USH1C: variants seen among roughly 807,000 people sequenced by gnomAD.
USH1C encodes the protein USH1 protein network component harmonin.
Under a neutral mutation model 119.3 loss-of-function variants are expected in USH1C, and 90 were observed. That is an observed-to-expected ratio of 0.75 (90% CI 0.64 to 0.90). The LOEUF (loss-of-function observed/expected upper bound fraction) is 0.90. Among genes scored for constraint, USH1C ranks in the 40% least tolerant of loss-of-function variants. The pLI is 0.00. For missense variants in USH1C, 1,165 were observed against 1,167.7 expected (o/e 1.00, Z 0.03); for synonymous variants, 465 against 443.3 (o/e 1.05, Z -0.62).
At position 17,523,460 on chromosome 11, in the gene USH1C, C is replaced by T. The variant is rs369461618; in HGVS notation, c.778G>A (p.Glu260Lys). The T allele has an allele frequency of 4.5e-5, 72 of 1,614,098 alleles. No homozygotes were observed. Among genetic ancestry groups the T allele is most frequent in the Middle Eastern group, 1.6e-4 (1 of 6,084 alleles). Residue 260 changes from glutamate (E) to lysine (K), a missense_variant, in exon 10 of 27, where the codon GAA becomes AAA. By Grantham distance (56) the Glu-to-Lys change is moderately conservative (BLOSUM62 1). Transcript: ENST00000005226. Reference sequence around the variant, plus strand: ...TTAGAGAAGTCGACGCCATTGACTTCGACAATCTGGTCCCCTATCTGGTGG... The same window carrying T: ...TTAGAGAAGTCGACGCCATTGACTTTGACAATCTGGTCCCCTATCTGGTGG... Reference protein sequence around the residue: ...VGLEIGDQIVEVNGVDFSNLD... With the variant: ...VGLEIGDQIVKVNGVDFSNLD...
At chr11:17,505,777 T>C (rs1849624555) in intron 19 of USH1C, 53 bp downstream of exon 19, 9 of 1,612,150 alleles carry the variant, frequency 5.6e-6, no homozygotes, top group South Asian at 3.3e-5. Context: ...CCAGGGGAGG[T>C]AGCCCTGGTC....
chr11:17,528,381 A>G (rs1252583672), intron 4 of USH1C, among the ~76,000 whole-genome samples: 16 of 152,190 alleles, frequency 1.1e-4, no homozygotes, highest in African/African-American at 3.9e-4. Flanking sequence ...CTCCTCATTT[A>G]ATAACCACAG....
chr11:17,496,834 A>T, intron 24 of USH1C, 21 bp from the exon 25 acceptor site: 1 of 1,613,806 alleles, frequency 6.2e-7, no homozygotes, highest in South Asian at 1.1e-5. Flanking sequence ...AAGCCGTGTG[A>T]CTCTGGGGCA....
At chr11:17,524,610 A>G in intron 8 of USH1C, 75 bp from the exon 9 acceptor site, 2 of 1,509,182 alleles carry the variant, frequency 1.3e-6, no homozygotes, top group Non-Finnish European at 1.8e-6. Flanking sequence ...GTCACTCATG[A>G]GCTGAGGACT....
At chr11:17,523,007 A>G in intron 11 of USH1C, 81 bp from the exon 12 acceptor site, 1 of 1,597,112 alleles carries the variant, frequency 6.3e-7, no homozygotes, top group South Asian at 1.1e-5. Flanking sequence ...GCCGAGATGC[A>G]GGTGGTCTTC....
In USH1C at chr11:17,512,023, C is replaced by A. The variant is rs751388655; in HGVS notation, c.1292G>T (p.Gly431Val). 137 of 1,614,106 alleles carry A rather than the reference C, an allele frequency of 8.5e-5. No individual in the cohort carries two copies. The highest frequency in any genetic ancestry group is 1.1e-4 in the Non-Finnish European group (129 of 1,180,056). Residue 431 changes from glycine to valine, a missense_variant, in exon 16 of 27, where the codon GGC becomes GTC. Gly to Val is a moderately radical substitution (Grantham distance 109, BLOSUM62 -3). Transcript: ENST00000005226. ...ATTCTTTCTCAAGTCCTGCAGGCTG[C>A]CATACTTGGCTTTCTTCTTATCTTT... ...KGKDKKKAKY[G>V]SLQDLRKNKK...
chr11:17,526,888 C>T, intron 6 of USH1C, 78 bp from the exon 7 acceptor site: 1 of 1,588,948 alleles, frequency 6.3e-7, no homozygotes, highest in Non-Finnish European at 8.6e-7. Context: ...CCAGATCCAC[C>T]ATGTCTAGAG....
intron 20 of USH1C, among the ~76,000 whole-genome samples, chr11:17,502,903 C>T (rs567155778): frequency 6.6e-6 from 1 of 152,272 alleles, no homozygotes; most frequent in African/African-American, 2.4e-5. Context: ...CGTGGCAGGC[C>T]TCGCCAGACT....
chr11:17,539,519 G>T (rs987659417), intron 1 of USH1C, among the ~76,000 whole-genome samples: 1 of 152,226 alleles, frequency 6.6e-6, no homozygotes, highest in East Asian at 1.9e-4. Flanking sequence ...TCAGAACAGT[G>T]CCTGGCAGGT....
chr11:17,494,621 C>G (rs1443305940), intron 26 of USH1C: 2 of 590,128 alleles, frequency 3.4e-6, no homozygotes, highest in Admixed American at 2.8e-5. Context: ...CTGGGAGGAA[C>G]AGGGGCAAGA....
intron 14 of USH1C, among the ~76,000 whole-genome samples, chr11:17,518,451 G>C (rs1311203699): frequency 6.6e-6 from 1 of 152,156 alleles, no homozygotes; most frequent in Non-Finnish European, 1.5e-5. Flanking sequence ...CAGATCCTTA[G>C]TCAAGGCTGC....
chr11:17,520,418 A>T (rs922661613), intron 14 of USH1C, among the ~76,000 whole-genome samples: 1 of 152,140 alleles, frequency 6.6e-6, no homozygotes, highest in Non-Finnish European at 1.5e-5. Flanking sequence ...AGCTCCTCCC[A>T]CAGTTATGAA....
rs114256428 is a variant in USH1C at position 17,519,313 on chromosome 11, G to T, written c.1210+1557C>A. On this transcript the variant is annotated intron_variant, in intron 14 of 26. Transcript: ENST00000005226. ...GAGGCAGCAGCTGTCCCAGCTCAGC[G>T]GGCAGGCGGGGGTCATCCATCCTGT... Among the ~76,000 whole-genome samples the T allele has an allele frequency of 1.4e-3, 206 of 152,348 alleles. 1 individual carries two copies. The highest frequency in any genetic ancestry group is 4.8e-3 in the African/African-American group (198 of 41,582).
At chr11:17,532,151 A>G (rs1007171143) in intron 2 of USH1C, among the ~76,000 whole-genome samples, 1 of 152,052 alleles carries the variant, frequency 6.6e-6, no homozygotes, top group Non-Finnish European at 1.5e-5. Context: ...GTGGCTATTT[A>G]TGATCTCCGT....
At position 17,511,915 on chromosome 11, in the gene USH1C, C is replaced by T. The variant is rs376038772; in HGVS notation, c.1400G>A (p.Arg467Gln). Residue 467 changes from arginine (R) to glutamine (Q), a missense_variant, in exon 16 of 27, where the codon CGG (arginine) becomes CAG (glutamine). Transcript: ENST00000005226. ...LEKEKQLKINRLAQEVSETER... is the reference protein window; with the variant it reads ...LEKEKQLKINQLAQEVSETER... ...CAGGACACATACCTCCTGGGCCAGC[C>T]GGTTGATCTTTAGCTGCTTTTCCTT... The T allele has an allele frequency of 8.7e-6, 14 of 1,613,806 alleles. No homozygotes were observed. Among genetic ancestry groups the T allele is most frequent in the African/African-American group, 1.3e-5 (1 of 74,962 alleles).
intron 1 of USH1C, among the ~76,000 whole-genome samples, chr11:17,543,418 C>G (rs1018667409): frequency 2.3e-4 from 8 of 34,548 alleles, no homozygotes; most frequent in South Asian, 2.2e-3. Context: ...TACCACCCAC[C>G]CCCCCCAAGC....
intron 15 of USH1C, among the ~76,000 whole-genome samples, chr11:17,515,712 T>C (rs1043101387): frequency 2.6e-5 from 4 of 152,218 alleles, no homozygotes; most frequent in African/African-American, 9.6e-5. Context: ...TTAAAGGTCC[T>C]AGAAATTGGA....
intron 15 of USH1C, among the ~76,000 whole-genome samples, chr11:17,514,866 T>C (rs1363811169): frequency 6.6e-6 from 1 of 151,950 alleles, no homozygotes; most frequent in Non-Finnish European, 1.5e-5. Flanking sequence ...ATAATTAGAT[T>C]AAGGAATAGG....
intron 25 of USH1C, 85 bp from the exon 26 acceptor site, chr11:17,495,762 G>A: frequency 6.9e-7 from 1 of 1,446,060 alleles, no homozygotes; most frequent in East Asian, 2.3e-5. Context: ...CTTTCACTGG[G>A]CTCCTGCCTC....
Sources: allele counts gnomAD v4.1 joint callset (sites outside exome capture counted in the v4.1 genomes callset), GRCh38; gene constraint gnomAD v4.1.1; transcripts MANE v1.5; gene names NCBI Gene and HGNC (gene_info 2026-07-23, HGNC 2026-07-21).